The following ZNF507 variants were observed in gnomAD, a reference collection of about 807,000 sequenced individuals.
The protein encoded by ZNF507 is zinc finger protein 507.
In ZNF507, 29 loss-of-function variants were observed where a neutral mutation model predicts 80.0. That is an observed-to-expected ratio of 0.36 (90% confidence interval 0.27 to 0.49). The LOEUF is 0.49. Ranked by LOEUF, ZNF507 falls within the 20% of genes least tolerant of loss-of-function variation. The probability of loss-of-function intolerance (pLI) is 0.98; values close to 1 mark genes in which losing one functional copy is unlikely to be tolerated. For synonymous variants in ZNF507, 462 were observed against 422.5 expected (o/e 1.09, Z -1.15); for missense variants, 1,081 against 1,152.2 (o/e 0.94, Z 0.90).
chr19:32,349,069 G>A (rs541616403), intron 2 of ZNF507, among the ~76,000 whole-genome samples: 8 of 152,306 alleles, frequency 5.3e-5, no homozygotes, highest in Admixed American at 3.3e-4. Flanking sequence ...ATTAGGAGAG[G>A]GAGAGGCATC....
chr19:32,361,127 G>A (rs968676803), intron 5 of ZNF507, among the ~76,000 whole-genome samples: 12 of 152,034 alleles, frequency 7.9e-5, no homozygotes, highest in African/African-American at 2.9e-4. Context: ...TGGCAGTAAG[G>A]TACTCAGTAT....
chr19:32,366,817 A>T (rs992904620), intron 5 of ZNF507, among the ~76,000 whole-genome samples: 1 of 152,250 alleles, frequency 6.6e-6, no homozygotes, highest in African/African-American at 2.4e-5. Flanking sequence ...GGTTGTACCT[A>T]TTCACATCCT....
intron 5 of ZNF507, chr19:32,381,926 C>T (rs540985344): frequency 8.5e-5 from 13 of 152,256 alleles, no homozygotes; most frequent in Admixed American, 7.8e-4. Flanking sequence ...GTATGTGGAA[C>T]AATTATGTTT....
At chr19:32,347,092 T>C (rs993664503) in intron 1 of ZNF507, among the ~76,000 whole-genome samples, 153 bp from the exon 2 acceptor site, 2 of 152,224 alleles carry the variant, frequency 1.3e-5, no homozygotes, top group Admixed American at 1.3e-4. Context: ...TATTTAAATT[T>C]GCATTACGTA....
intron 3 of ZNF507, among the ~76,000 whole-genome samples, chr19:32,355,313 G>A (rs775407736): frequency 2.0e-5 from 3 of 152,130 alleles, no homozygotes; most frequent in Admixed American, 6.5e-5. Context: ...AAATTTAACC[G>A]TACATCATCA....
At chr19:32,371,741 G>A (rs1003715576) in intron 5 of ZNF507, among the ~76,000 whole-genome samples, 9 of 149,528 alleles carry the variant, frequency 6.0e-5, no homozygotes, top group Admixed American at 2.0e-4. Flanking sequence ...CCAGGTTCAC[G>A]CCATTCTCCT....
At position 32,354,528 on chromosome 19, in the gene ZNF507, A is replaced by T. The variant is rs1259685934; in HGVS notation, c.1698A>T (p.Ala566=). 6.2e-7 allele frequency: 1 copy of T among 1,613,996 alleles called. No homozygotes were observed. Among genetic ancestry groups the T allele is most frequent in the East Asian group, 2.2e-5 (1 of 44,888 alleles). The part of the protein sequence containing the change: ...SLNQSNSTLV[A]LPEGRQELSD... ...ACCAAAGCAACTCCACCTTGGTAGC[A>T]CTCCCAGAGGGTAGGCAGGAATTGT... is the stretch of plus-strand genomic sequence containing the variant. The change falls in exon 3 of 7, where the codon GCA becomes GCT. Residue 566 remains alanine (A), a synonymous_variant. Coordinates refer to ENST00000355898, the MANE Select transcript of ZNF507 (RefSeq NM_001136156.2).
At position 32,386,753 on chromosome 19, in the gene ZNF507, A is replaced by G. The variant is rs1967695507; in HGVS notation, c.*3670A>G. On this transcript the variant is annotated 3_prime_UTR_variant, in exon 7 of 7. Coordinates refer to ENST00000355898, the MANE Select transcript of ZNF507 (RefSeq NM_001136156.2). ...AGTGCTTCTTTAACTACCTTTGGAA[A>G]TACTGTACAATGTTAGAATAATTTA... 1 of 152,644 alleles carries G rather than the reference A, an allele frequency of 6.6e-6. No homozygotes were observed. The allele number at this position is 152,644 out of a possible 1,614,324, so 9.5% of individuals were successfully genotyped here. A position where few individuals can be genotyped will look rare whatever the true frequency, so the allele number is the denominator to read the frequency against.
chr19:32,370,400 T>C (rs1308794373), intron 5 of ZNF507, among the ~76,000 whole-genome samples: 2 of 152,252 alleles, frequency 1.3e-5, no homozygotes, highest in East Asian at 1.9e-4. Flanking sequence ...TTTGCCAACA[T>C]TTATTCTCTC....
chr19:32,362,883 C>G (rs1018227434), intron 5 of ZNF507, among the ~76,000 whole-genome samples: 8 of 152,116 alleles, frequency 5.3e-5, no homozygotes, highest in African/African-American at 1.9e-4. Flanking sequence ...CCTCTTTGTA[C>G]TTATTATCAG....
chr19:32,379,061 A>C (rs1967590931), intron 5 of ZNF507, among the ~76,000 whole-genome samples: 1 of 152,194 alleles, frequency 6.6e-6, no homozygotes, highest in Non-Finnish European at 1.5e-5. Flanking sequence ...GGTGCAGGGC[A>C]GTTGCCCTTC....
In ZNF507 at chr19:32,353,347, C is replaced by G; in HGVS notation, c.517C>G (p.His173Asp). 6.2e-7 allele frequency: 1 copy of G among 1,614,226 alleles called. No individual in the cohort carries two copies. Among genetic ancestry groups the G allele is most frequent in the Non-Finnish European group, 8.5e-7 (1 of 1,180,050 alleles). Residue 173 changes from histidine to aspartate, a missense_variant, in exon 3 of 7, where the codon CAC becomes GAC. By Grantham distance (81) the His-to-Asp change is moderately conservative. Coordinates refer to ENST00000355898, the MANE Select transcript of ZNF507 (RefSeq NM_001136156.2). The stretch of plus-strand genomic sequence containing the variant: ...TAGAAGCCAGGAGGAACTTGAAGCC[C>G]ACGTGGTGAATGACCATGACAATGA... ...TSRSQEELEA[H>D]VVNDHDNDAN...
intron 4 of ZNF507, 42 bp from the exon 5 acceptor site, chr19:32,360,462 T>C (rs759856279): frequency 6.6e-6 from 7 of 1,067,780 alleles, no homozygotes; most frequent in Non-Finnish European, 9.3e-6. Flanking sequence ...CATTTGAATC[T>C]TGTCAAAGCC....
rs1249188017 is a variant in ZNF507, at chr19:32,382,748, T to C, written c.2527T>C (p.Leu843=). The change falls in exon 7 of 7, where the codon TTA becomes CTA. Residue 843 remains leucine (L), a synonymous_variant. Transcript: ENST00000355898. ...GGGGAAATCCCCTGGAAAGACTCAA[T>C]TAAAGAGCAGTGAAGAGAGTGCAGA... ...VLGKSPGKTQ[L]KSSEESADPV... 1 of 1,613,372 alleles carries C rather than the reference T, an allele frequency of 6.2e-7. No individual in the cohort carries two copies. The highest frequency in any genetic ancestry group is 8.5e-7 in the Non-Finnish European group (1 of 1,179,712).
intron 5 of ZNF507, among the ~76,000 whole-genome samples, chr19:32,370,899 C>T (rs10853921): frequency 0.68 from 103,638 of 151,964 alleles, 35,620 homozygotes; most frequent in Non-Finnish European, 0.73. Flanking sequence ...GAGTTGATTG[C>T]TGTGGATGAT....
At chr19:32,371,135 T>C (rs1967464601) in intron 5 of ZNF507, among the ~76,000 whole-genome samples, 1 of 152,204 alleles carries the variant, frequency 6.6e-6, no homozygotes, top group African/African-American at 2.4e-5. Flanking sequence ...TTTTCTATCA[T>C]TTCTCCTTTT....
chr19:32,359,267 C>T (rs554337521), intron 4 of ZNF507: 1 of 152,262 alleles, frequency 6.6e-6, no homozygotes, highest in South Asian at 2.1e-4. Context: ...TTTTGTTCTG[C>T]TTGGCAGTAG....
intron 1 of ZNF507, 94 bp from the exon 2 acceptor site, chr19:32,347,151 G>T (rs1196535424): frequency 2.0e-5 from 3 of 152,142 alleles, no homozygotes; most frequent in Non-Finnish European, 4.4e-5. Flanking sequence ...ATGGAATATT[G>T]AGAAATTTTT....
In ZNF507 at chr19:32,353,577, A is replaced by T. The variant is rs1967202706; in HGVS notation, c.747A>T (p.Arg249=). The T allele has an allele frequency of 6.2e-7, 1 of 1,614,208 alleles. No homozygotes were observed. Among genetic ancestry groups the T allele is most frequent in the Admixed American group, 1.7e-5 (1 of 60,028 alleles). ...WYAYEQYGMY[R]CLFCSYTCGQ... ...CATACGAACAGTACGGCATGTATCG[A>T]TGCTTGTTTTGTAGTTATACTTGTG... is the stretch of plus-strand genomic sequence containing the variant. The change falls in exon 3 of 7, where the codon CGA becomes CGT. Residue 249 remains arginine, a synonymous_variant. Transcript: ENST00000355898.
Sources: allele counts gnomAD v4.1 joint callset (sites outside exome capture counted in the v4.1 genomes callset), GRCh38; gene constraint gnomAD v4.1.1; transcripts MANE v1.5; gene names NCBI Gene and HGNC (gene_info 2026-07-23, HGNC 2026-07-21).